The following UTRN variants were observed in gnomAD, a reference collection of about 807,000 sequenced individuals.
UTRN encodes the protein utrophin.
Under a neutral mutation model 463.9 loss-of-function variants are expected in UTRN, and 283 were observed. The observed-to-expected ratio is 0.61, with a 90% CI of 0.55 to 0.67. UTRN has a LOEUF of 0.67. Among genes scored for constraint, UTRN ranks in the 30% least tolerant of loss-of-function variants. The pLI, the probability that UTRN is intolerant of heterozygous loss-of-function variation, is 0.00. For synonymous variants in UTRN, 1,442 were observed against 1,431.5 expected (o/e 1.01, Z -0.17); for missense variants, 3,922 against 4,084.3 (o/e 0.96, Z 1.08).
chr6:144,706,476 T>C (rs568081681), intron 53 of UTRN, among the ~76,000 whole-genome samples: 2 of 152,206 alleles, frequency 1.3e-5, no homozygotes, highest in African/African-American at 4.8e-5. Context: ...ACTTACTATA[T>C]GCCTGGCAGT....
At chr6:144,815,528 T>G (rs1429855696) in intron 65 of UTRN, among the ~76,000 whole-genome samples, 2 of 152,190 alleles carry the variant, frequency 1.3e-5, no homozygotes, top group Admixed American at 1.3e-4. Flanking sequence ...CTTCAGTCTG[T>G]GGCCGAAGGC....
intron 2 of UTRN, among the ~76,000 whole-genome samples, chr6:144,323,088 C>A (rs1423974959): frequency 6.6e-6 from 1 of 152,036 alleles, no homozygotes; most frequent in Non-Finnish European, 1.5e-5. Flanking sequence ...TGATTCTGAT[C>A]TTTTTAGAGG....
intron 52 of UTRN, among the ~76,000 whole-genome samples, chr6:144,683,681 G>A (rs1462767810): frequency 2.0e-5 from 3 of 151,930 alleles, no homozygotes; most frequent in African/African-American, 4.8e-5. Context: ...CCCCTTAATT[G>A]CCTACTTCGC....
chr6:144,429,805 A>G (rs946616983), intron 9 of UTRN, 64 bp downstream of exon 9: 1 of 1,545,034 alleles, frequency 6.5e-7, no homozygotes, highest in Admixed American at 2.2e-5. Flanking sequence ...GGTACTAGAT[A>G]AAAACACTTT....
At chr6:144,361,633 A>C (rs1779086770) in intron 2 of UTRN, among the ~76,000 whole-genome samples, 1 of 152,102 alleles carries the variant, frequency 6.6e-6, no homozygotes, top group African/African-American at 2.4e-5. Flanking sequence ...TCTGTTACCC[A>C]GGCTGGAGTG....
chr6:144,555,332 G>A (rs1554814), intron 49 of UTRN, among the ~76,000 whole-genome samples: 21,049 of 152,128 alleles, frequency 0.14, 1,767 homozygotes, highest in Middle Eastern at 0.24. Flanking sequence ...ATGACTGGGA[G>A]GTACCAGGAA....
chr6:144,734,123 T>G (rs1789085685), intron 54 of UTRN, among the ~76,000 whole-genome samples: 1 of 151,930 alleles, frequency 6.6e-6, no homozygotes, highest in Non-Finnish European at 1.5e-5. Flanking sequence ...CTCTCACCCC[T>G]CCCCTGGCCG....
intron 2 of UTRN, among the ~76,000 whole-genome samples, chr6:144,377,440 A>G (rs760727270): frequency 6.6e-6 from 1 of 152,214 alleles, no homozygotes; most frequent in Admixed American, 6.5e-5. Context: ...AAATCTATTA[A>G]GTTAAAATCT....
intron 2 of UTRN, among the ~76,000 whole-genome samples, chr6:144,328,717 G>T (rs949513544): frequency 2.6e-5 from 4 of 151,982 alleles, no homozygotes; most frequent in African/African-American, 9.7e-5. Context: ...AATAGATCAG[G>T]GTTTTTATTC....
intron 34 of UTRN, among the ~76,000 whole-genome samples, chr6:144,508,006 T>A (rs534236799): frequency 6.6e-6 from 1 of 152,256 alleles, no homozygotes; most frequent in East Asian, 1.9e-4. Context: ...TTCTGCCCAG[T>A]TTGAACTTCC....
intron 53 of UTRN, among the ~76,000 whole-genome samples, chr6:144,709,655 G>A (rs1443753008): frequency 6.6e-6 from 1 of 152,098 alleles, no homozygotes; most frequent in Non-Finnish European, 1.5e-5. Flanking sequence ...TTAATTTGAC[G>A]TAAACTCTCA....
chr6:144,703,652 A>G (rs2128699742), intron 53 of UTRN, among the ~76,000 whole-genome samples: 1 of 152,314 alleles, frequency 6.6e-6, no homozygotes, highest in East Asian at 1.9e-4. Context: ...GATCACAAGG[A>G]TCAAATATTG....
chr6:144,728,439 A>G (rs1275257271), intron 53 of UTRN, among the ~76,000 whole-genome samples: 3 of 150,094 alleles, frequency 2.0e-5, no homozygotes, highest in Non-Finnish European at 4.4e-5. Context: ...TTTTATTTCC[A>G]TATATTAAAA....
intron 53 of UTRN, among the ~76,000 whole-genome samples, chr6:144,723,684 T>G (rs1787471334): frequency 6.6e-6 from 1 of 152,136 alleles, no homozygotes; most frequent in Non-Finnish European, 1.5e-5. Flanking sequence ...ACTTTGCATA[T>G]GCATTGGGGA....
intron 51 of UTRN, chr6:144,583,668 A>G (rs569637640): frequency 6.2e-6 from 3 of 484,214 alleles, no homozygotes; most frequent in Non-Finnish European, 7.6e-6. Context: ...GGCTCTAAAA[A>G]CTAATCTTTC....
At chr6:144,692,346 A>G (rs936848791) in intron 52 of UTRN, among the ~76,000 whole-genome samples, 1 of 152,344 alleles carries the variant, frequency 6.6e-6, no homozygotes, top group Non-Finnish European at 1.5e-5. Flanking sequence ...TAGTACTACA[A>G]TGAACATACA....
intron 54 of UTRN, among the ~76,000 whole-genome samples, chr6:144,745,652 A>G (rs1423866689): frequency 6.6e-6 from 1 of 152,234 alleles, no homozygotes; most frequent in African/African-American, 2.4e-5. Context: ...AAAGATAAAA[A>G]CGTCAGAGGC....
intron 54 of UTRN, among the ~76,000 whole-genome samples, chr6:144,731,014 T>A (rs1197416505): frequency 1.3e-5 from 2 of 150,894 alleles, no homozygotes; most frequent in African/African-American, 4.8e-5. Context: ...TACTAGCAAA[T>A]TTACTAGCAA....
intron 2 of UTRN, among the ~76,000 whole-genome samples, chr6:144,365,985 G>A (rs7766883): frequency 0.045 from 6,895 of 152,230 alleles, 416 homozygotes; most frequent in African/African-American, 0.13. Flanking sequence ...TGTTCCACCC[G>A]TCTCGGCCTC....
Sources: allele counts gnomAD v4.1 joint callset (sites outside exome capture counted in the v4.1 genomes callset), GRCh38; gene constraint gnomAD v4.1.1; transcripts MANE v1.5; gene names NCBI Gene and HGNC (gene_info 2026-07-23, HGNC 2026-07-21).